Variants in ADGRF5 observed in about 807,000 individuals in gnomAD.
The protein encoded by ADGRF5 is adhesion G protein-coupled receptor F5.
Under a neutral mutation model 132.3 loss-of-function variants are expected in ADGRF5, and 75 were observed. The observed-to-expected ratio is 0.57, with a 90% CI of 0.47 to 0.69. The LOEUF is 0.69. ADGRF5 is among the 30% of genes least tolerant of loss of function. ADGRF5 has a pLI of 0.00. For missense variants in ADGRF5, 1,516 were observed against 1,630.6 expected (o/e 0.93, Z 1.21); for synonymous variants, 629 against 597.6 (o/e 1.05, Z -0.77).
At chr6:46,901,937 C>A (rs1031849565) in intron 2 of ADGRF5, among the ~76,000 whole-genome samples, 1 of 152,082 alleles carries the variant, frequency 6.6e-6, no homozygotes, top group Non-Finnish European at 1.5e-5. Context: ...CTCGCTGATG[C>A]CCTTAGGAGG....
intron 1 of ADGRF5, among the ~76,000 whole-genome samples, chr6:46,913,117 C>G (rs1416087919): frequency 6.6e-6 from 1 of 152,152 alleles, no homozygotes; most frequent in African/African-American, 2.4e-5. Flanking sequence ...AGTGGCTAAT[C>G]GCCTGAGACA....
intron 1 of ADGRF5, among the ~76,000 whole-genome samples, chr6:46,938,548 C>A (rs1368053028): frequency 6.6e-6 from 1 of 152,114 alleles, no homozygotes. Context: ...CTAATCCCAC[C>A]AGATGAAGGA....
chr6:46,863,788 G>T (rs1273326189), intron 14 of ADGRF5, among the ~76,000 whole-genome samples: 5 of 152,022 alleles, frequency 3.3e-5, no homozygotes, highest in Non-Finnish European at 7.4e-5. Context: ...GTTCTACTAG[G>T]AAAAAGAAGC....
In ADGRF5 at chr6:46,868,157, G is replaced by T. The variant is rs566653514; in HGVS notation, c.1621+726C>A. Reference sequence around the variant, plus strand: ...TAGTTAATGAAAGGCTTTAGAGTGGGGTGGCTAAGAGTTGACCACTGGAGC... The same window carrying T: ...TAGTTAATGAAAGGCTTTAGAGTGGTGTGGCTAAGAGTTGACCACTGGAGC... On this transcript the variant is annotated intron_variant, in intron 12 of 20. Transcript: ENST00000283296. Among the ~76,000 whole-genome samples, 24 of 152,256 alleles carry T rather than the reference G, an allele frequency of 1.6e-4. No individual in the cohort carries two copies. In the East Asian group the frequency reaches 4.4e-3, roughly 28 times the overall value.
chr6:46,852,851 G>A lies in ADGRF5; in HGVS notation c.*1141C>T, dbSNP rs1461272927. ...CTGGGAACTTAAAGATGGAAACAGA[G>A]AATACATAGGGAGCTATGCAACACA... is the stretch of plus-strand genomic sequence containing the variant. On this transcript the variant is annotated 3_prime_UTR_variant, in exon 21 of 21. Coordinates refer to ENST00000283296, the MANE Select transcript of ADGRF5 (RefSeq NM_001098518.2). 4 of 152,446 alleles carry A rather than the reference G, an allele frequency of 2.6e-5. No individual in the cohort carries two copies. The highest frequency in any genetic ancestry group is 5.9e-5 in the Non-Finnish European group (4 of 68,022). The allele number at this position is 152,446 out of a possible 1,614,324, so 9.4% of individuals were successfully genotyped here. A position where few individuals can be genotyped will look rare whatever the true frequency, so the allele number is the denominator to read the frequency against.
At chr6:46,947,172 C>T (rs1021802750) in intron 1 of ADGRF5, among the ~76,000 whole-genome samples, 1 of 152,140 alleles carries the variant, frequency 6.6e-6, no homozygotes, top group Admixed American at 6.5e-5. Context: ...TACCTTTCAA[C>T]TCATTATACC....
chr6:46,895,542 G>C (rs145514147), intron 3 of ADGRF5, among the ~76,000 whole-genome samples: 2 of 151,166 alleles, frequency 1.3e-5, no homozygotes, highest in Non-Finnish European at 2.9e-5. Flanking sequence ...CAGGATTTCC[G>C]TGCTAGCAGC....
chr6:46,874,790 C>G (rs889175915), intron 10 of ADGRF5, among the ~76,000 whole-genome samples: 2 of 152,220 alleles, frequency 1.3e-5, no homozygotes, highest in East Asian at 3.8e-4. Context: ...AGCAGCTCCA[C>G]TTTGGTCTGC....
chr6:46,871,736 C>A, intron 11 of ADGRF5, 107 bp downstream of exon 11: 1 of 700,516 alleles, frequency 1.4e-6, no homozygotes, highest in East Asian at 2.7e-5. Flanking sequence ...CACTCCCTCT[C>A]TGTCCATTAT....
intron 19 of ADGRF5, among the ~76,000 whole-genome samples, 200 bp downstream of exon 19, chr6:46,856,518 A>C (rs1769065825): frequency 6.6e-6 from 1 of 152,240 alleles, no homozygotes; most frequent in South Asian, 2.1e-4. Flanking sequence ...TCTATTTAAT[A>C]GACAGAATGA....
chr6:46,897,372 T>C (rs901702677), intron 3 of ADGRF5, among the ~76,000 whole-genome samples: 1 of 151,982 alleles, frequency 6.6e-6, no homozygotes, highest in South Asian at 2.1e-4. Context: ...TCCTAGAACC[T>C]TTGTATCCTT....
At position 46,888,756 on chromosome 6, in the gene ADGRF5, C is replaced by G. The variant is rs566079425; in HGVS notation, c.158-251G>C. ...GCAAGAGCGGAAGCAGAGAGAATAG[C>G]AGGGAGGGTCTGGGAACTGTTCGGG... On this transcript the variant is annotated intron_variant, in intron 3 of 20. Coordinates refer to ENST00000283296, the MANE Select transcript of ADGRF5 (RefSeq NM_001098518.2). Among the ~76,000 whole-genome samples the G allele has an allele frequency of 2.6e-5, 4 of 152,200 alleles. No individual in the cohort carries two copies. In the South Asian group the frequency reaches 8.3e-4, roughly 32 times the overall value.
At chr6:46,936,950 G>T (rs1392282090) in intron 1 of ADGRF5, among the ~76,000 whole-genome samples, 1 of 152,180 alleles carries the variant, frequency 6.6e-6, no homozygotes, top group East Asian at 1.9e-4. Flanking sequence ...CATAGCCACA[G>T]ATCTTGGCAG....
Position 46,879,622 on chromosome 6 carries a change from A to C in ADGRF5, c.1036+196T>G, listed in dbSNP as rs149677319. ...TTTTCTTCATAAATTACCCAATCTC[A>C]GGTAGTTCTTTACAGCAGTGTAAAA... On this transcript the variant is annotated intron_variant, in intron 9 of 20. Transcript: ENST00000283296. Among the ~76,000 whole-genome samples the C allele has an allele frequency of 2.0e-5, 3 of 152,320 alleles. No individual in the cohort carries two copies. The East Asian group carries it at 5.8e-4, about 29-fold the overall frequency.
At chr6:46,953,024 T>C (rs1389669123) in intron 1 of ADGRF5, among the ~76,000 whole-genome samples, 1 of 152,122 alleles carries the variant, frequency 6.6e-6, no homozygotes. Context: ...AGGCAGGCAT[T>C]AGAGCATTCA....
At position 46,900,064 on chromosome 6, in the gene ADGRF5, G is replaced by A. The variant is rs1472672779; in HGVS notation, c.122C>T (p.Pro41Leu). 1.9e-6 allele frequency: 3 copies of A among 1,612,518 alleles called. No individual in the cohort carries two copies. Among genetic ancestry groups the A allele is most frequent in the Admixed American group, 1.7e-5 (1 of 59,998 alleles). ...IHPLSLHEHE[P>L]AGEEALRQKR... The stretch of plus-strand genomic sequence containing the variant: ...TTGCCTCAGTGCCTCTTCACCAGCT[G>A]GTTCATGTTCATGAAGACTCTGAAA... The change falls in exon 3 of 21, where the codon CCA becomes CTA. Residue 41 changes from proline to leucine, a missense_variant. Physicochemically the swap from Pro to Leu is moderately conservative, Grantham distance 98. Around this residue, in one of 2 missense-constraint regions of ADGRF5, gnomAD observed 945 missense variants for 929.4 expected, o/e 1.02. Transcript: ENST00000283296.
intron 10 of ADGRF5, among the ~76,000 whole-genome samples, chr6:46,872,651 CT>C (rs1229921134): frequency 6.6e-6 from 1 of 152,110 alleles, no homozygotes; most frequent in African/African-American, 2.4e-5. Context: ...AAATAGCTCC[CT>C]TTCCATACCT....
intron 8 of ADGRF5, among the ~76,000 whole-genome samples, chr6:46,881,073 C>T (rs1018078714): frequency 6.6e-6 from 1 of 152,158 alleles, no homozygotes; most frequent in Non-Finnish European, 1.5e-5. Context: ...GCACTCCAGC[C>T]GGGATGACAG....
chr6:46,944,234 A>G (rs890836440), intron 1 of ADGRF5, among the ~76,000 whole-genome samples: 6 of 152,198 alleles, frequency 3.9e-5, no homozygotes, highest in Non-Finnish European at 5.9e-5. Context: ...CATAAGGAGC[A>G]TGCAACCTAG....
Sources: allele counts gnomAD v4.1 joint callset (sites outside exome capture counted in the v4.1 genomes callset), GRCh38; gene constraint gnomAD v4.1.1; regional missense constraint gnomAD v4.1.1; transcripts MANE v1.5; gene names NCBI Gene and HGNC (gene_info 2026-07-23, HGNC 2026-07-21).